GLCCI1: variants seen among roughly 807,000 people sequenced by gnomAD.
The protein encoded by GLCCI1 is glucocorticoid induced 1.
A neutral mutation model predicts 52.2 loss-of-function variants in GLCCI1; 24 were observed. The ratio of observed to expected loss-of-function variants is 0.46; its 90% CI spans 0.33 to 0.65. The LOEUF (loss-of-function observed/expected upper bound fraction) is 0.65, where lower values mean the gene tolerates loss of function less well. Among genes scored for constraint, GLCCI1 ranks in the 30% least tolerant of loss-of-function variants. GLCCI1 has a pLI of 0.02. For missense variants in GLCCI1, 704 were observed against 701.5 expected, an observed-to-expected ratio of 1.00 and a Z score of -0.04; for synonymous variants, 310 against 276.5, an observed-to-expected ratio of 1.12 and a Z score of -1.20.
chr7:8,065,432 C>T (rs1487282905), intron 5 of GLCCI1, among the ~76,000 whole-genome samples: 2 of 152,082 alleles, frequency 1.3e-5, no homozygotes, highest in African/African-American at 4.8e-5. Context: ...CCAGGACTTC[C>T]AGTACTATGT....
chr7:7,988,669 G>A (rs1354176038), intron 1 of GLCCI1, among the ~76,000 whole-genome samples: 1 of 152,088 alleles, frequency 6.6e-6, no homozygotes, highest in Non-Finnish European at 1.5e-5. Flanking sequence ...CTTATTTATG[G>A]TGACAGATGA....
intron 4 of GLCCI1, among the ~76,000 whole-genome samples, chr7:8,057,316 G>T (rs909253913): frequency 1.3e-5 from 2 of 151,922 alleles, no homozygotes; most frequent in African/African-American, 4.8e-5. Context: ...CCGTCAAGTT[G>T]TGAGTGGATA....
intron 3 of GLCCI1, among the ~76,000 whole-genome samples, chr7:8,043,944 A>C (rs1301161525): frequency 1.1e-5 from 1 of 93,452 alleles, no homozygotes; most frequent in African/African-American, 4.6e-5. Context: ...TGAAGCACTA[A>C]ATTTTTTTTT....
At chr7:7,992,487 G>A (rs895701443) in intron 1 of GLCCI1, among the ~76,000 whole-genome samples, 15 of 152,012 alleles carry the variant, frequency 9.9e-5, no homozygotes, top group Non-Finnish European at 2.1e-4. Context: ...CAAGAACTCA[G>A]ATATAGCTTT....
chr7:8,054,496 A>C (rs1057246884), intron 3 of GLCCI1, among the ~76,000 whole-genome samples: 2 of 152,144 alleles, frequency 1.3e-5, no homozygotes, highest in Non-Finnish European at 2.9e-5. Flanking sequence ...TCTATTAACC[A>C]CAGGTAAACA....
At chr7:8,055,613 C>T in intron 4 of GLCCI1, 64 bp downstream of exon 4, 1 of 916,394 alleles carries the variant, frequency 1.1e-6, no homozygotes, top group Non-Finnish European at 1.8e-6. Context: ...GGGAATTCAT[C>T]ATTTCAGCAT....
At chr7:7,985,331 A>C (rs192082556) in intron 1 of GLCCI1, among the ~76,000 whole-genome samples, 1 of 152,294 alleles carries the variant, frequency 6.6e-6, no homozygotes, top group East Asian at 1.9e-4. Context: ...TTTTTCAGCA[A>C]TCACTGGATA....
intron 1 of GLCCI1, among the ~76,000 whole-genome samples, chr7:7,994,971 G>A (rs993779790): frequency 1.3e-5 from 2 of 152,160 alleles, no homozygotes; most frequent in African/African-American, 4.8e-5. Flanking sequence ...AGTGTTTGAA[G>A]TGAAACTGTT....
At chr7:8,085,731 C>G (rs953963573) in intron 7 of GLCCI1, among the ~76,000 whole-genome samples, 1 of 65,922 alleles carries the variant, frequency 1.5e-5, no homozygotes, top group African/African-American at 9.2e-5. Context: ...TGAGAGACCA[C>G]TGAAACTCCC....
rs949464235 is a variant in GLCCI1, at chr7:8,088,836, G to A, written c.*2298G>A. ...CCAAATGTGTTAAAGCTTACGCTTT[G>A]CCATGTAAATTTCCCAGAAGTTGTT... On this transcript the variant is annotated 3_prime_UTR_variant, in exon 8 of 8. Coordinates refer to ENST00000223145, the MANE Select transcript of GLCCI1 (RefSeq NM_138426.4). The A allele has an allele frequency of 6.6e-6, 1 of 152,638 alleles. No individual in the cohort carries two copies. Among genetic ancestry groups the A allele is most frequent in the African/African-American group, 2.4e-5 (1 of 41,460 alleles). 9.5% of individuals were successfully genotyped at this position (152,638 alleles called of 1,614,324 possible). A position where few individuals can be genotyped will look rare whatever the true frequency, so the allele number is the denominator to read the frequency against.
chr7:8,001,765 A>G (rs1010910504), intron 1 of GLCCI1, among the ~76,000 whole-genome samples: 7 of 152,220 alleles, frequency 4.6e-5, no homozygotes, highest in Admixed American at 2.0e-4. Context: ...ATGGAATACT[A>G]TGCAGCCATA....
Position 7,998,191 on chromosome 7 carries a change from TG to T in GLCCI1, c.458-5716del, listed in dbSNP as rs769705082. Among the ~76,000 whole-genome samples, 98 of 143,222 alleles carry T rather than the reference TG, an allele frequency of 6.8e-4. 1 individual carries two copies. The highest frequency in any genetic ancestry group is 1.1e-3 in the Non-Finnish European group (71 of 65,354). The allele number at this position is 143,222 out of a possible 152,430, so 94.0% of individuals were successfully genotyped here. ...AGTTTTTTTTGTTTTTTTTTTTTTT[TG>T]TTGTTGTTGTTTTTTGTTTTGTTTC... On this transcript the variant is annotated intron_variant, in intron 1 of 7. Transcript: ENST00000223145.
intron 3 of GLCCI1, among the ~76,000 whole-genome samples, chr7:8,038,985 C>T (rs1781937283): frequency 6.6e-6 from 1 of 152,004 alleles, no homozygotes; most frequent in African/African-American, 2.4e-5. Flanking sequence ...AGAAAACATG[C>T]ATATAGCCAA....
chr7:8,006,660 T>G (rs1020993470), intron 2 of GLCCI1, among the ~76,000 whole-genome samples: 2 of 152,192 alleles, frequency 1.3e-5, no homozygotes, highest in African/African-American at 2.4e-5. Flanking sequence ...AAAATACATT[T>G]TGTCCTCCCC....
chr7:8,044,206 A>G (rs1782069748), intron 3 of GLCCI1, among the ~76,000 whole-genome samples: 1 of 152,034 alleles, frequency 6.6e-6, no homozygotes, highest in African/African-American at 2.4e-5. Context: ...CAGCCTCCCA[A>G]AGTGCTGGGA....
chr7:7,969,962 C>G lies in GLCCI1; in HGVS notation c.457+155C>G, dbSNP rs1780307538. ...TCACCCCCCTGCGGTCGCTGTGGGG[C>G]TTGGAGGAGCGAACTGAAAAGCGAC... On this transcript the variant is annotated intron_variant, in intron 1 of 7. Transcript: ENST00000223145. The surrounding 1 kb of genome is among the most constrained non-coding windows in gnomAD (Gnocchi z 4.9). The G allele has an allele frequency of 9.8e-7, 1 of 1,021,020 alleles. No homozygotes were observed. Among genetic ancestry groups the G allele is most frequent in the Non-Finnish European group, 1.2e-6 (1 of 826,390 alleles). The allele number at this position is 1,021,020 out of a possible 1,614,324, so 63.2% of individuals were successfully genotyped here.
intron 7 of GLCCI1, among the ~76,000 whole-genome samples, chr7:8,085,759 C>G (rs965035818): frequency 5.9e-5 from 9 of 152,136 alleles, no homozygotes; most frequent in Admixed American, 4.6e-4. Context: ...CTCCACCCCC[C>G]ATCTGTGCTA....
At chr7:8,060,984 A>G (rs1048715269) in intron 5 of GLCCI1, among the ~76,000 whole-genome samples, 2 of 152,042 alleles carry the variant, frequency 1.3e-5, no homozygotes, top group African/African-American at 4.8e-5. Flanking sequence ...ACTTGTAATT[A>G]TCTGTCCTTT....
At chr7:7,970,600 C>G (rs1440651381) in intron 1 of GLCCI1, 1 of 152,582 alleles carries the variant, frequency 6.6e-6, no homozygotes, top group South Asian at 2.1e-4. Flanking sequence ...TCAAGGATCT[C>G]AAGTTTCTTT....
Sources: gnomAD v4.1 joint callset for allele counts (sites outside exome capture counted in the v4.1 genomes callset) on GRCh38, gnomAD v4.1.1 for gene constraint, Gnocchi (gnomAD v3.1) non-coding constraint, MANE v1.5 for transcripts, NCBI Gene and HGNC (gene_info 2026-07-23, HGNC 2026-07-21) for gene names.